Variants in OTOGL observed in about 807,000 individuals in gnomAD.
OTOGL encodes the protein otogelin like.
In OTOGL, 285 loss-of-function variants were observed where a neutral mutation model predicts 318.5. The observed-to-expected ratio is 0.89, with a 90% CI of 0.81 to 0.99. OTOGL has a LOEUF of 0.99. Ranked by LOEUF, OTOGL falls within the 50% of genes least tolerant of loss-of-function variation. The pLI is 0.00. For synonymous variants in OTOGL, 987 were observed against 936.5 expected (o/e 1.05, Z -0.99); for missense variants, 2,899 against 2,845.6 (o/e 1.02, Z -0.43).
chr12:80,126,717 G>C (rs917999944), intron 1 of OTOGL, among the ~76,000 whole-genome samples: 80 of 152,042 alleles, frequency 5.3e-4, no homozygotes, highest in African/African-American at 1.8e-3. Flanking sequence ...TATGAATCTG[G>C]GTGCTCTTGT....
At position 80,167,269 on chromosome 12, in the gene OTOGL, G is replaced by A. The variant is rs535037934; in HGVS notation, c.-19-42144G>A. Among the ~76,000 whole-genome samples, 99 of 152,242 alleles carry A rather than the reference G, an allele frequency of 6.5e-4. 1 individual carries two copies. Among genetic ancestry groups the A allele is most frequent in the African/African-American group, 2.0e-3 (85 of 41,546 alleles). On this transcript the variant is annotated intron_variant, in intron 1 of 58. Transcript: ENST00000547103. ...GCAAGTCCGTGGGAGTGGTGGGGAG[G>A]TGGAGATTCTCCAAAGACAGTTGAG...
intron 1 of OTOGL, among the ~76,000 whole-genome samples, chr12:80,116,266 T>A (rs979943020): frequency 6.6e-6 from 1 of 152,056 alleles, no homozygotes; most frequent in African/African-American, 2.4e-5. Context: ...CCATCCCTCA[T>A]GGCACAGTCC....
intron 6 of OTOGL, among the ~76,000 whole-genome samples, chr12:80,221,268 C>CTT (rs5799457): frequency 0.37 from 50,687 of 136,814 alleles, 9,625 homozygotes; most frequent in East Asian, 0.56. Flanking sequence ...TCCAGCATAC[C>CTT]TTTTTTTTTT....
chr12:80,368,880 G>T (rs910315293), intron 55 of OTOGL, among the ~76,000 whole-genome samples: 2 of 150,164 alleles, frequency 1.3e-5, no homozygotes, highest in Admixed American at 1.3e-4. Context: ...CAAATTAACA[G>T]AGGTATCAAC....
intron 32 of OTOGL, among the ~76,000 whole-genome samples, 155 bp from the exon 33 acceptor site, chr12:80,318,391 C>A (rs1202402037): frequency 6.6e-6 from 1 of 152,036 alleles, no homozygotes; most frequent in Admixed American, 6.6e-5. Flanking sequence ...ATATATAAAT[C>A]ATTATTTTTG....
At chr12:80,234,384 C>T (rs905575354) in intron 9 of OTOGL, among the ~76,000 whole-genome samples, 1 of 152,052 alleles carries the variant, frequency 6.6e-6, no homozygotes, top group African/African-American at 2.4e-5. Context: ...TATAATACTT[C>T]CGTTTTATAT....
Position 80,368,284 on chromosome 12 carries a change from A to G in OTOGL, c.6590A>G (p.Glu2197Gly), listed in dbSNP as rs1261212180. Residue 2197 changes from glutamate to glycine, a missense_variant, in exon 55 of 59, where the codon GAA becomes GGA. Glu to Gly is a moderately conservative substitution (Grantham distance 98). This residue lies in a region of OTOGL where 289 missense variants were observed against 304.6 expected (regional missense o/e 0.95). Coordinates refer to ENST00000547103, the MANE Select transcript of OTOGL (RefSeq NM_001378609.3). ...CKNVSCKFHM[E>G]NGTSVVYAVG... The stretch of plus-strand genomic sequence containing the variant: ...AATGTATCCTGCAAATTTCACATGG[A>G]AAATGGAACATCAGTTGTATACGCG... 3.8e-6 allele frequency: 6 copies of G among 1,595,252 alleles called. No homozygotes were observed. The African/African-American group carries it at 4.0e-5, about 11-fold the overall frequency.
At chr12:80,185,363 A>G (rs1875213980) in intron 1 of OTOGL, among the ~76,000 whole-genome samples, 1 of 152,020 alleles carries the variant, frequency 6.6e-6, no homozygotes, top group East Asian at 1.9e-4. Flanking sequence ...GCTCACTGCA[A>G]CCTCTGCCTC....
intron 38 of OTOGL, 140 bp from the exon 39 acceptor site, chr12:80,335,823 C>A (rs1258470655): frequency 1.3e-5 from 9 of 674,712 alleles, no homozygotes; most frequent in Non-Finnish European, 2.0e-5. Flanking sequence ...AAAGTTGCAG[C>A]ATAATTTTAA....
intron 1 of OTOGL, among the ~76,000 whole-genome samples, chr12:80,190,726 G>T (rs553944323): frequency 2.4e-4 from 35 of 147,012 alleles, no homozygotes; most frequent in African/African-American, 9.0e-4. Context: ...GGCGGAGCTT[G>T]CAGTGAGCCG....
At chr12:80,284,642 T>C (rs1301176740) in intron 26 of OTOGL, among the ~76,000 whole-genome samples, 1 of 152,348 alleles carries the variant, frequency 6.6e-6, no homozygotes, top group East Asian at 1.9e-4. Context: ...ATGATGAGCT[T>C]TTTTTCATAT....
chr12:80,111,994 A>G (rs1869869566), intron 1 of OTOGL, among the ~76,000 whole-genome samples: 1 of 151,990 alleles, frequency 6.6e-6, no homozygotes, highest in Non-Finnish European at 1.5e-5. Flanking sequence ...TAGTTATTTT[A>G]TTCTCTATGT....
chr12:80,268,623 C>G (rs968927148), intron 22 of OTOGL, among the ~76,000 whole-genome samples: 5 of 152,130 alleles, frequency 3.3e-5, no homozygotes, highest in African/African-American at 1.2e-4. Context: ...GTTTCCCAAG[C>G]CAGAGCTCCA....
intron 29 of OTOGL, among the ~76,000 whole-genome samples, chr12:80,307,171 G>T (rs1886187500): frequency 6.6e-6 from 1 of 151,268 alleles, no homozygotes; most frequent in Admixed American, 6.6e-5. Context: ...ATTTTTCTTA[G>T]TACAGAACAA....
chr12:80,125,478 G>A (rs1398787128), intron 1 of OTOGL, among the ~76,000 whole-genome samples: 5 of 152,154 alleles, frequency 3.3e-5, no homozygotes, highest in Non-Finnish European at 7.4e-5. Flanking sequence ...ATGTTCATCA[G>A]GGATATTGGT....
chr12:80,219,177 T>A (rs1878041303), intron 5 of OTOGL, among the ~76,000 whole-genome samples: 1 of 152,124 alleles, frequency 6.6e-6, no homozygotes, highest in African/African-American at 2.4e-5. Context: ...AATGGCGTGA[T>A]CTCGGCTCAC....
intron 26 of OTOGL, among the ~76,000 whole-genome samples, chr12:80,287,829 A>G (rs1884750392): frequency 6.6e-6 from 1 of 152,058 alleles, no homozygotes; most frequent in South Asian, 2.1e-4. Flanking sequence ...ATAGCACAGC[A>G]ATGGGTCTTG....
intron 4 of OTOGL, among the ~76,000 whole-genome samples, chr12:80,214,013 C>G (rs1249758935): frequency 6.6e-6 from 1 of 152,200 alleles, no homozygotes; most frequent in South Asian, 2.1e-4. Context: ...TATTTGTGTG[C>G]TGCAGTGATT....
At chr12:80,271,023 G>C (rs1440068122) in intron 23 of OTOGL, among the ~76,000 whole-genome samples, 1 of 152,104 alleles carries the variant, frequency 6.6e-6, no homozygotes, top group Non-Finnish European at 1.5e-5. Context: ...CAAGGATTCA[G>C]ACAAGCCTAG....
Sources: gnomAD v4.1 joint callset for allele counts (sites outside exome capture counted in the v4.1 genomes callset) on GRCh38, gnomAD v4.1.1 for gene constraint, gnomAD v4.1.1 regional missense constraint, MANE v1.5 for transcripts, NCBI Gene and HGNC (gene_info 2026-07-23, HGNC 2026-07-21) for gene names.